STK4: variants seen among roughly 807,000 people sequenced by gnomAD.
STK4 encodes the protein serine/threonine-protein kinase 4.
A neutral mutation model predicts 64.9 loss-of-function variants in STK4; 30 were observed. The observed-to-expected ratio is 0.46, with a 90% CI of 0.35 to 0.63. The LOEUF (loss-of-function observed/expected upper bound fraction) is 0.63, where lower values mean the gene tolerates loss of function less well. STK4 is among the 20% of genes least tolerant of loss of function. The pLI is 0.01. For synonymous variants in STK4, 177 were observed against 199.0 expected (o/e 0.89, Z 0.93); for missense variants, 466 against 598.5 (o/e 0.78, Z 2.31).
chr20:44,986,954 G>A (rs1165905330), intron 4 of STK4, among the ~76,000 whole-genome samples, 178 bp from the exon 5 acceptor site: 2 of 152,070 alleles, frequency 1.3e-5, no homozygotes, highest in African/African-American at 4.8e-5. Context: ...GGGGAGATCT[G>A]GTATGGAAAT....
At chr20:45,013,056 C>T (rs2068082898) in intron 9 of STK4, among the ~76,000 whole-genome samples, 1 of 147,200 alleles carries the variant, frequency 6.8e-6, no homozygotes, top group Admixed American at 6.9e-5. Context: ...TCCTCAACCT[C>T]CCAAAGTACT....
intron 5 of STK4, among the ~76,000 whole-genome samples, chr20:44,992,777 C>T (rs1445610689): frequency 1.3e-5 from 2 of 152,112 alleles, no homozygotes; most frequent in Non-Finnish European, 2.9e-5. Context: ...TCACTGTAAC[C>T]TTCACCTCCC....
At chr20:44,997,864 C>T (rs940683075) in intron 7 of STK4, among the ~76,000 whole-genome samples, 11 of 152,106 alleles carry the variant, frequency 7.2e-5, no homozygotes, top group African/African-American at 1.9e-4. Flanking sequence ...ACCTGCTGTC[C>T]GCCACATACT....
chr20:45,023,895 CTTTTTTTTT>C lies in STK4; in HGVS notation c.1148-1063_1148-1055del, dbSNP rs752584355. Among the ~76,000 whole-genome samples, 4 of 111,322 alleles carry C rather than the reference CTTTTTTTTT, an allele frequency of 3.6e-5. No individual in the cohort carries two copies. In the South Asian group the frequency reaches 8.6e-4, roughly 24 times the overall value. 73.0% of individuals were successfully genotyped at this position (111,322 alleles called of 152,430 possible). A position where few individuals can be genotyped will look rare whatever the true frequency, so the allele number is the denominator to read the frequency against. On this transcript the variant is annotated intron_variant, in intron 9 of 10. Transcript: ENST00000372806. ...TTTTATACCTGTTCAATACTAACTT[CTTTTTTTTT>C]TTTTTTTTTTTTTTGAGACAGAGTC...
At chr20:45,001,117 CAA>C (rs748715753) in intron 8 of STK4, 48 bp from the exon 9 acceptor site, 13 of 1,560,136 alleles carry the variant, frequency 8.3e-6, no homozygotes, top group African/African-American at 2.7e-5. Context: ...TCAGAAAACT[CAA>C]AGTCTTTTGT....
chr20:45,016,496 T>C (rs2068145347), intron 9 of STK4, among the ~76,000 whole-genome samples: 1 of 152,218 alleles, frequency 6.6e-6, no homozygotes, highest in African/African-American at 2.4e-5. Flanking sequence ...GAGTGGAGAC[T>C]AAATCCTAAT....
intron 10 of STK4, among the ~76,000 whole-genome samples, chr20:45,035,295 T>TTGCTTAA (rs2068510172): frequency 6.6e-6 from 1 of 152,154 alleles, no homozygotes; most frequent in Non-Finnish European, 1.5e-5. Context: ...AATATATTAC[T>TTGCTTAA]TGCTTAACTT....
intron 7 of STK4, among the ~76,000 whole-genome samples, chr20:44,999,073 A>T (rs1281526877): frequency 6.6e-6 from 1 of 152,046 alleles, no homozygotes; most frequent in Non-Finnish European, 1.5e-5. Flanking sequence ...ATCTCAAAAA[A>T]AAAAAACAAA....
At chr20:45,060,002 A>G (rs1321274832) in intron 10 of STK4, among the ~76,000 whole-genome samples, 1 of 152,238 alleles carries the variant, frequency 6.6e-6, no homozygotes, top group African/African-American at 2.4e-5. Flanking sequence ...AGGCTTAAAG[A>G]TTAAGGATCT....
chr20:44,991,703 C>T (rs1014181687), intron 5 of STK4, among the ~76,000 whole-genome samples: 43 of 151,992 alleles, frequency 2.8e-4, no homozygotes, highest in Admixed American at 2.8e-3. Flanking sequence ...TGCTCTGTCA[C>T]CCAGCCTGGA....
chr20:44,987,249 G>A lies in STK4; in HGVS notation c.478G>A (p.Glu160Lys), dbSNP rs772504626. 1 of 1,610,398 alleles carries A rather than the reference G, an allele frequency of 6.2e-7. No homozygotes were observed. Among genetic ancestry groups the A allele is most frequent in the South Asian group, 1.1e-5 (1 of 90,276 alleles). ...GGCAGGAAATATTTTGCTAAATACAGAAGGACATGCAAAACTTGCAGATTT... is the reference window on the plus strand; with the variant it reads ...GGCAGGAAATATTTTGCTAAATACAAAAGGACATGCAAAACTTGCAGATTT... ...IKAGNILLNT[E>K]GHAKLADFGV... The change falls in exon 5 of 11, where the codon GAA (glutamate) becomes AAA (lysine). Residue 160 changes from glutamate to lysine, a missense_variant. By Grantham distance (56) the Glu-to-Lys change is moderately conservative. Coordinates refer to ENST00000372806, the MANE Select transcript of STK4 (RefSeq NM_006282.5).
intron 1 of STK4, among the ~76,000 whole-genome samples, 160 bp from the exon 2 acceptor site, chr20:44,971,918 G>A (rs1330161072): frequency 2.0e-5 from 3 of 152,022 alleles, no homozygotes; most frequent in Non-Finnish European, 1.5e-5. Context: ...TGATCTGCCT[G>A]TATCGGCCTC....
chr20:45,030,153 G>A (rs2068418368), intron 10 of STK4, among the ~76,000 whole-genome samples: 1 of 151,354 alleles, frequency 6.6e-6, no homozygotes, highest in South Asian at 2.1e-4. Flanking sequence ...GCTCAGGCTG[G>A]AGTGCAGTGG....
chr20:44,969,104 T>C (rs558354093), intron 1 of STK4, among the ~76,000 whole-genome samples: 1 of 152,324 alleles, frequency 6.6e-6, no homozygotes, highest in South Asian at 2.1e-4. Flanking sequence ...GATTAGGGCA[T>C]GCCCATATGA....
chr20:45,014,955 C>G (rs1309188285), intron 9 of STK4, among the ~76,000 whole-genome samples: 1 of 152,142 alleles, frequency 6.6e-6, no homozygotes, highest in Non-Finnish European at 1.5e-5. Context: ...GTACTTAGTG[C>G]ATAAGATTCT....
chr20:45,022,084 A>G (rs2068258223), intron 9 of STK4, among the ~76,000 whole-genome samples: 1 of 152,174 alleles, frequency 6.6e-6, no homozygotes. Context: ...TAAAATATAC[A>G]TAACATAAAA....
At chr20:45,050,277 C>T (rs538414644) in intron 10 of STK4, among the ~76,000 whole-genome samples, 2 of 152,276 alleles carry the variant, frequency 1.3e-5, no homozygotes, top group Non-Finnish European at 2.9e-5. Flanking sequence ...CAGCTCTTCA[C>T]AGACCCCATC....
chr20:44,987,389 C>G (rs1645463913), intron 5 of STK4, 93 bp downstream of exon 5: 1 of 1,230,906 alleles, frequency 8.1e-7, no homozygotes, highest in Non-Finnish European at 1.1e-6. Context: ...TAATACTTGA[C>G]TTAATTGTAT....
At chr20:45,046,763 C>T (rs2068702509) in intron 10 of STK4, among the ~76,000 whole-genome samples, 1 of 151,632 alleles carries the variant, frequency 6.6e-6, no homozygotes, top group African/African-American at 2.4e-5. Flanking sequence ...CTCACTGCAA[C>T]CTCCGCCTCC....
Sources: allele counts gnomAD v4.1 joint callset (sites outside exome capture counted in the v4.1 genomes callset), GRCh38; gene constraint gnomAD v4.1.1; transcripts MANE v1.5; gene names NCBI Gene and HGNC (gene_info 2026-07-23, HGNC 2026-07-21).